Variants in FNDC4 observed in about 807,000 individuals in gnomAD.
The protein encoded by FNDC4 is fibronectin type III domain-containing protein 4.
A neutral mutation model predicts 25.1 loss-of-function variants in FNDC4; 11 were observed. The ratio of observed to expected loss-of-function variants is 0.44; its 90% CI spans 0.28 to 0.73. The LOEUF (loss-of-function observed/expected upper bound fraction) is 0.73. Ranked by LOEUF, FNDC4 falls within the 30% of genes least tolerant of loss-of-function variation. The pLI, the probability that FNDC4 is intolerant of heterozygous loss-of-function variation, is 0.16. For synonymous variants in FNDC4, 136 were observed against 118.8 expected (o/e 1.14, Z -0.94); for missense variants, 250 against 304.3 (o/e 0.82, Z 1.33).
Position 27,494,292 on chromosome 2 carries a change from T to A in FNDC4, c.249+59A>T. On this transcript the variant is annotated intron_variant, in intron 3 of 6. Coordinates refer to ENST00000264703, the MANE Select transcript of FNDC4 (RefSeq NM_022823.3). This position sits in a 1 kb window ranked among gnomAD's most constrained non-coding sequence, Gnocchi z 4.6. The stretch of plus-strand genomic sequence containing the variant: ...AGCTTCCAGATCCCCCCCACTTAAG[T>A]GAAGAAATGTGCCGAAATCCAAGGA... 2 of 1,492,304 alleles carry A rather than the reference T, an allele frequency of 1.3e-6. No individual in the cohort carries two copies. Among genetic ancestry groups the A allele is most frequent in the Non-Finnish European group, 1.9e-6 (2 of 1,074,442 alleles). The allele number at this position is 1,492,304 out of a possible 1,614,324, so 92.4% of individuals were successfully genotyped here.
Position 27,494,539 on chromosome 2 carries a change from T to G in FNDC4, c.133+8A>C. ...GGTTGACCCTCAGCCCCGTTCCCCT[T>G]TACTTACCTGCTCGCACGAAGCCCA... On this transcript the variant is annotated splice_region_variant and intron_variant, in intron 2 of 6. Coordinates refer to ENST00000264703, the MANE Select transcript of FNDC4 (RefSeq NM_022823.3). This position sits in a 1 kb window ranked among gnomAD's most constrained non-coding sequence, Gnocchi z 4.6. 6.2e-7 allele frequency: 1 copy of G among 1,612,514 alleles called. No homozygotes were observed. The highest frequency in any genetic ancestry group is 8.5e-7 in the Non-Finnish European group (1 of 1,179,376).
chr2:27,492,497 T>C lies in FNDC4; in HGVS notation c.670-19A>G. The C allele has an allele frequency of 6.2e-7, 1 of 1,612,390 alleles. No homozygotes were observed. Among genetic ancestry groups the C allele is most frequent in the Non-Finnish European group, 8.5e-7 (1 of 1,178,408 alleles). On this transcript the variant is annotated intron_variant, in intron 6 of 6. Transcript: ENST00000264703. The surrounding 1 kb of genome is among the most constrained non-coding windows in gnomAD (Gnocchi z 4.1). ...ACTTTTTCTGTGAAAGAAAATGGCC[T>C]GAGTCTCAACTTCAGGAAGGTAATA...
In FNDC4 at chr2:27,494,676, GCATCCGCTTGA is replaced by G. The variant is rs760235499; in HGVS notation, c.-8_3del. The G allele has an allele frequency of 9.7e-6, 15 of 1,545,940 alleles. 1 individual carries two copies. In the Admixed American group the frequency reaches 1.5e-4, roughly 16 times the overall value. On this transcript the variant is annotated start_retained_variant and 5_prime_UTR_variant, in exon 2 of 7. Coordinates refer to ENST00000264703, the MANE Select transcript of FNDC4 (RefSeq NM_022823.3). This position sits in a 1 kb window ranked among gnomAD's most constrained non-coding sequence, Gnocchi z 4.6. The stretch of plus-strand genomic sequence containing the variant: ...GGGGGGGAACTGTGGCATCCGCTTG[GCATCCGCTTGA>G]CATCCAGGCGGGGCTCCTGGAGATG...
rs1398993413 is a variant in FNDC4 at position 27,492,057 on chromosome 2, G to C, written c.*386C>G. ...CAATTCCTTTTATTTGCTGGGGTAA[G>C]AGGAGTACCCACAGAAACACCCCTC... is the stretch of plus-strand genomic sequence containing the variant. On this transcript the variant is annotated 3_prime_UTR_variant, in exon 7 of 7. Coordinates refer to ENST00000264703, the MANE Select transcript of FNDC4 (RefSeq NM_022823.3). The surrounding 1 kb of genome is among the most constrained non-coding windows in gnomAD (Gnocchi z 4.1). 1 of 280,710 alleles carries C rather than the reference G, an allele frequency of 3.6e-6. No homozygotes were observed. The highest frequency in any genetic ancestry group is 6.8e-6 in the Non-Finnish European group (1 of 146,880). 17.4% of individuals were successfully genotyped at this position (280,710 alleles called of 1,614,324 possible). A position where few individuals can be genotyped will look rare whatever the true frequency, so the allele number is the denominator to read the frequency against.
rs754272533 is a variant in FNDC4, at chr2:27,492,827, TC to T, written c.545-38del. On this transcript the variant is annotated intron_variant, in intron 5 of 6. Transcript: ENST00000264703. The surrounding 1 kb of genome is among the most constrained non-coding windows in gnomAD (Gnocchi z 4.1). ...TACAGTCTGAGCCTTCATCTCCACT[TC>T]CCCCCTCATAGGGAGATACCTACGT... The T allele has an allele frequency of 1.9e-6, 3 of 1,612,514 alleles. No homozygotes were observed. Among genetic ancestry groups the T allele is most frequent in the East Asian group, 4.5e-5 (2 of 44,830 alleles).
At position 27,492,704 on chromosome 2, in the gene FNDC4, C is replaced by A; in HGVS notation, c.631G>T (p.Glu211Ter). 6.2e-7 allele frequency: 1 copy of A among 1,614,172 alleles called. No homozygotes were observed. Among genetic ancestry groups the A allele is most frequent in the Non-Finnish European group, 8.5e-7 (1 of 1,180,028 alleles). The stretch of plus-strand genomic sequence containing the variant: ...ACTGGCCTTCCCTGAGGACTCTGTT[C>A]CGGCCCCTTTCCCTTCTCCTTGGGA... Reference protein sequence around the residue: ...NNPKEKGKGPEQSPQGRPVGT... With the variant: ...NNPKEKGKGP Residue 211 changes from glutamate to a stop codon, truncating the protein, a stop_gained, in exon 6 of 7, where the codon GAA becomes TAA. Coordinates refer to ENST00000264703, the MANE Select transcript of FNDC4 (RefSeq NM_022823.3). LOFTEE classifies it high-confidence loss of function. This position sits in a 1 kb window ranked among gnomAD's most constrained non-coding sequence, Gnocchi z 4.1.
chr2:27,492,526 G>A lies in FNDC4; in HGVS notation c.670-48C>T, dbSNP rs774648015. The A allele has an allele frequency of 7.5e-6, 12 of 1,594,438 alleles. No homozygotes were observed. In the East Asian group the frequency reaches 2.2e-4, roughly 30 times the overall value. On this transcript the variant is annotated intron_variant, in intron 6 of 6. Coordinates refer to ENST00000264703, the MANE Select transcript of FNDC4 (RefSeq NM_022823.3). The surrounding 1 kb of genome is among the most constrained non-coding windows in gnomAD (Gnocchi z 4.1). ...TCTCAACTTCAGGAAGGTAATAGGTGCCACCCTTTCTCTCCAGCCTCCCCC... is the reference window on the plus strand; with the variant it reads ...TCTCAACTTCAGGAAGGTAATAGGTACCACCCTTTCTCTCCAGCCTCCCCC...
Position 27,494,989 on chromosome 2 carries a change from G to A in FNDC4, c.-136C>T, listed in dbSNP as rs1374732267. ...CCTACCCCATCCCGGCGCGGGCCCGGCGACGCGGGCAGCGCGGGGCCGAGC... is the reference window on the plus strand; with the variant it reads ...CCTACCCCATCCCGGCGCGGGCCCGACGACGCGGGCAGCGCGGGGCCGAGC... On this transcript the variant is annotated 5_prime_UTR_variant, in exon 1 of 7. Coordinates refer to ENST00000264703, the MANE Select transcript of FNDC4 (RefSeq NM_022823.3). The surrounding 1 kb of genome is among the most constrained non-coding windows in gnomAD (Gnocchi z 4.6). 4.9e-6 allele frequency: 1 copy of A among 205,378 alleles called. No homozygotes were observed. The allele number at this position is 205,378 out of a possible 1,614,324, so 12.7% of individuals were successfully genotyped here.
In FNDC4 at chr2:27,492,346, TCTGGGAGTCTCGGGC is replaced by T. The variant is rs1454486939; in HGVS notation, c.*82_*96del. The T allele has an allele frequency of 2.7e-6, 4 of 1,457,966 alleles. No homozygotes were observed. The East Asian group carries it at 9.1e-5, about 33-fold the overall frequency. 90.3% of individuals were successfully genotyped at this position (1,457,966 alleles called of 1,614,324 possible). A position where few individuals can be genotyped will look rare whatever the true frequency, so the allele number is the denominator to read the frequency against. ...TGAGATTGTGGGAGTGGCATTACCC[TCTGGGAGTCTCGGGC>T]AGATCACCATCTTGGGCTCCCCCTG... On this transcript the variant is annotated 3_prime_UTR_variant, in exon 7 of 7. Coordinates refer to ENST00000264703, the MANE Select transcript of FNDC4 (RefSeq NM_022823.3). This position sits in a 1 kb window ranked among gnomAD's most constrained non-coding sequence, Gnocchi z 4.1.
chr2:27,493,243 C>T (rs879323042), intron 5 of FNDC4, 146 bp downstream of exon 5: 3 of 650,966 alleles, frequency 4.6e-6, no homozygotes, highest in Non-Finnish European at 8.6e-6. Context: ...AACTCCTGAC[C>T]TCAGGTGATC....
chr2:27,492,616 C>T lies in FNDC4; in HGVS notation c.669+50G>A. The T allele has an allele frequency of 6.2e-7, 1 of 1,612,224 alleles. No individual in the cohort carries two copies. The highest frequency in any genetic ancestry group is 1.3e-5 in the African/African-American group (1 of 74,928). On this transcript the variant is annotated intron_variant, in intron 6 of 6. Transcript: ENST00000264703. This position sits in a 1 kb window ranked among gnomAD's most constrained non-coding sequence, Gnocchi z 4.1. The stretch of plus-strand genomic sequence containing the variant: ...TTGACCTTCTTCCTTTCCCTGGCTG[C>T]CCCTCAGGGGCAGAATCACCCTTTC...
rs1025814529 is a variant in FNDC4 at position 27,494,440 on chromosome 2, T to A, written c.160A>T (p.Thr54Ser). 1 of 1,614,016 alleles carries A rather than the reference T, an allele frequency of 6.2e-7. No homozygotes were observed. The highest frequency in any genetic ancestry group is 8.5e-7 in the Non-Finnish European group (1 of 1,179,998). Residue 54 changes from threonine to serine, a missense_variant, in exon 3 of 7, where the codon ACG (threonine) becomes TCG (serine). Transcript: ENST00000264703. This position sits in a 1 kb window ranked among gnomAD's most constrained non-coding sequence, Gnocchi z 4.6. Reference sequence around the variant, plus strand: ...GAGTTGGCTCTGAGGTGAGTGACCGTCACATTCACAGGAGAGGGAGGCCGG... The same window carrying A: ...GAGTTGGCTCTGAGGTGAGTGACCGACACATTCACAGGAGAGGGAGGCCGG... ...ADRPPSPVNV[T>S]VTHLRANSAT...
chr2:27,492,356 T>C lies in FNDC4; in HGVS notation c.*87A>G. 6.6e-7 allele frequency: 1 copy of C among 1,524,510 alleles called. No individual in the cohort carries two copies. Among genetic ancestry groups the C allele is most frequent in the Non-Finnish European group, 9.1e-7 (1 of 1,098,734 alleles). The allele number at this position is 1,524,510 out of a possible 1,614,324, so 94.4% of individuals were successfully genotyped here. On this transcript the variant is annotated 3_prime_UTR_variant, in exon 7 of 7. Transcript: ENST00000264703. The surrounding 1 kb of genome is among the most constrained non-coding windows in gnomAD (Gnocchi z 4.1). ...GGAGTGGCATTACCCTCTGGGAGTCTCGGGCAGATCACCATCTTGGGCTCC... is the reference window on the plus strand; with the variant it reads ...GGAGTGGCATTACCCTCTGGGAGTCCCGGGCAGATCACCATCTTGGGCTCC...
Position 27,492,400 on chromosome 2 carries a change from C to G in FNDC4, c.*43G>C. 6.2e-7 allele frequency: 1 copy of G among 1,613,230 alleles called. No individual in the cohort carries two copies. Among genetic ancestry groups the G allele is most frequent in the Non-Finnish European group, 8.5e-7 (1 of 1,179,182 alleles). ...GGGCTCCCCCTGACCCCATCCCTAT[C>G]CCCAGTTGTTAGTGCATCTCTCTTC... On this transcript the variant is annotated 3_prime_UTR_variant, in exon 7 of 7. Transcript: ENST00000264703. The surrounding 1 kb of genome is among the most constrained non-coding windows in gnomAD (Gnocchi z 4.1).
chr2:27,493,659 G>A (rs1030321454), intron 4 of FNDC4, among the ~76,000 whole-genome samples, 181 bp from the exon 5 acceptor site: 1 of 152,186 alleles, frequency 6.6e-6, no homozygotes, highest in Non-Finnish European at 1.5e-5. Context: ...ACCAAAAAGC[G>A]GGATGGCTGC....
At position 27,494,948 on chromosome 2, in the gene FNDC4, A is replaced by C; in HGVS notation, c.-95T>G. 1.9e-5 allele frequency: 6 copies of C among 317,836 alleles called. No homozygotes were observed. The highest frequency in any genetic ancestry group is 2.3e-5 in the Non-Finnish European group (4 of 176,112). 19.7% of individuals were successfully genotyped at this position (317,836 alleles called of 1,614,324 possible). On this transcript the variant is annotated 5_prime_UTR_variant, in exon 1 of 7. Transcript: ENST00000264703. The surrounding 1 kb of genome is among the most constrained non-coding windows in gnomAD (Gnocchi z 4.6). Reference sequence around the variant, plus strand: ...TGCCCAGAGGGCGGCCCATCGCCCGACTCGGTGGCGCTGCCCCTACCCCAT... The same window carrying C: ...TGCCCAGAGGGCGGCCCATCGCCCGCCTCGGTGGCGCTGCCCCTACCCCAT...
chr2:27,494,406 AC>A lies in FNDC4; in HGVS notation c.193del (p.Val65CysfsTer28), dbSNP rs1447852443. 1.2e-6 allele frequency: 2 copies of A among 1,614,206 alleles called. No homozygotes were observed. Among genetic ancestry groups the A allele is most frequent in the Non-Finnish European group, 1.7e-6 (2 of 1,180,032 alleles). On this transcript the variant is annotated frameshift_variant, in exon 3 of 7. Coordinates refer to ENST00000264703, the MANE Select transcript of FNDC4 (RefSeq NM_022823.3). LOFTEE classifies it high-confidence loss of function. This position sits in a 1 kb window ranked among gnomAD's most constrained non-coding sequence, Gnocchi z 4.6. Reference sequence around the variant, plus strand: ...GTTGCCTTCTGGGACGTCCCAGGACACAGTGGCCGAGTTGGCTCTGAGGTGA... The same window carrying A: ...GTTGCCTTCTGGGACGTCCCAGGACAAGTGGCCGAGTTGGCTCTGAGGTGA... ...VTHLRANSAT[V>X]SWDVPEGNIV...
At position 27,494,596 on chromosome 2, in the gene FNDC4, G is replaced by T; in HGVS notation, c.84C>A (p.Ser28Arg). 1 of 1,612,522 alleles carries T rather than the reference G, an allele frequency of 6.2e-7. No homozygotes were observed. The highest frequency in any genetic ancestry group is 8.5e-7 in the Non-Finnish European group (1 of 1,179,338). ...AGCTGACCAGCAGGAGGACCGTGGGGCTTAGATATGGGGAAAGGGGCACCA... is the reference window on the plus strand; with the variant it reads ...AGCTGACCAGCAGGAGGACCGTGGGTCTTAGATATGGGGAAAGGGGCACCA... Reference protein sequence around the residue: ...ASLVPLSPYLSPTVLLLVSCD... With the variant: ...ASLVPLSPYLRPTVLLLVSCD... Residue 28 changes from serine to arginine, a missense_variant, in exon 2 of 7, where the codon AGC (serine) becomes AGA (arginine). Physicochemically the swap from Ser to Arg is moderately radical, Grantham distance 110 (BLOSUM62 -1). Transcript: ENST00000264703. This position sits in a 1 kb window ranked among gnomAD's most constrained non-coding sequence, Gnocchi z 4.6.
In FNDC4 at chr2:27,494,209, A is replaced by G; in HGVS notation, c.250-75T>C. ...CACAAGGCTCAACCAGAGACTCTTCAACATCCAAGCACTCCGGGGGAGTAG... is the reference window on the plus strand; with the variant it reads ...CACAAGGCTCAACCAGAGACTCTTCGACATCCAAGCACTCCGGGGGAGTAG... On this transcript the variant is annotated intron_variant, in intron 3 of 6. Coordinates refer to ENST00000264703, the MANE Select transcript of FNDC4 (RefSeq NM_022823.3). The surrounding 1 kb of genome is among the most constrained non-coding windows in gnomAD (Gnocchi z 4.6). The G allele has an allele frequency of 6.7e-7, 1 of 1,487,088 alleles. No individual in the cohort carries two copies. The highest frequency in any genetic ancestry group is 2.3e-5 in the East Asian group (1 of 42,910). 92.1% of individuals were successfully genotyped at this position (1,487,088 alleles called of 1,614,324 possible). A position where few individuals can be genotyped will look rare whatever the true frequency, so the allele number is the denominator to read the frequency against.
Sources: gnomAD v4.1 joint callset for allele counts (sites outside exome capture counted in the v4.1 genomes callset) on GRCh38, gnomAD v4.1.1 for gene constraint, Gnocchi (gnomAD v3.1) non-coding constraint, MANE v1.5 for transcripts, NCBI Gene and HGNC (gene_info 2026-07-23, HGNC 2026-07-21) for gene names.